FOXP1: variants seen among roughly 807,000 people sequenced by gnomAD.
The protein encoded by FOXP1 is forkhead box P1.
Under a neutral mutation model 98.2 loss-of-function variants are expected in FOXP1, and 15 were observed. That is an observed-to-expected ratio of 0.15 (90% CI 0.10 to 0.24). The LOEUF is 0.24. Among genes scored for constraint, FOXP1 ranks in the 10% least tolerant of loss-of-function variants. The probability of loss-of-function intolerance (pLI) is 1.00; values close to 1 mark genes in which losing one functional copy is unlikely to be tolerated. For synonymous variants in FOXP1, 371 were observed against 314.5 expected (o/e 1.18, Z -1.90); for missense variants, 633 against 848.5 (o/e 0.75, Z 3.15).
At chr3:71,112,118 G>A (rs982479481) in intron 7 of FOXP1, among the ~76,000 whole-genome samples, 4 of 144,268 alleles carry the variant, frequency 2.8e-5, no homozygotes, top group Non-Finnish European at 3.1e-5. Flanking sequence ...GGTGGTGGGT[G>A]GGGGGGTGGG....
chr3:71,182,918 T>C (rs889006577), intron 6 of FOXP1, among the ~76,000 whole-genome samples: 1 of 152,002 alleles, frequency 6.6e-6, no homozygotes, highest in African/African-American at 2.4e-5. Context: ...ATGTTGCTTT[T>C]AGGTTTTTCC....
chr3:71,463,845 A>G (rs1255489802), intron 3 of FOXP1, among the ~76,000 whole-genome samples: 1 of 152,146 alleles, frequency 6.6e-6, no homozygotes, highest in Non-Finnish European at 1.5e-5. Flanking sequence ...ATTTTGTAAT[A>G]ACGGAAGTAT....
At chr3:70,978,967 G>A (rs767406372) in intron 14 of FOXP1, among the ~76,000 whole-genome samples, 1 of 152,086 alleles carries the variant, frequency 6.6e-6, no homozygotes, top group Admixed American at 6.5e-5. Context: ...CTTATTTGAA[G>A]TAGAAGAGAA....
At chr3:71,096,336 C>T (rs1259589719) in intron 7 of FOXP1, among the ~76,000 whole-genome samples, 1 of 152,058 alleles carries the variant, frequency 6.6e-6, no homozygotes, top group Non-Finnish European at 1.5e-5. Flanking sequence ...TGCTTGGGCC[C>T]CATCCTAAGA....
intron 6 of FOXP1, among the ~76,000 whole-genome samples, chr3:71,166,739 T>G (rs1313687476): frequency 6.6e-6 from 1 of 152,174 alleles, no homozygotes; most frequent in Non-Finnish European, 1.5e-5. Context: ...CCAGAAAGCA[T>G]TCTAAACACA....
At position 71,281,521 on chromosome 3, in the gene FOXP1, G is replaced by A. The variant is rs577608439; in HGVS notation, c.-12+18299C>T. Among the ~76,000 whole-genome samples the A allele has an allele frequency of 4.6e-5, 7 of 152,288 alleles. No individual in the cohort carries two copies. The South Asian group carries it at 1.5e-3, about 32-fold the overall frequency. ...ACACACATCCTCCCATCTAGCCTAG[G>A]ACATGGTGAATACCTGACCGACATG... On this transcript the variant is annotated intron_variant, in intron 5 of 20. Transcript: ENST00000649528.
In FOXP1 at chr3:71,539,212, C is replaced by T. The variant is rs558734626; in HGVS notation, c.-298+42337G>A. 1.3e-4 allele frequency among the ~76,000 whole-genome samples: 19 copies of T among 149,566 alleles called. No individual in the cohort carries two copies. The East Asian group carries it at 2.9e-3, about 23-fold the overall frequency. ...CTGCAAGCTCCGCCTCCCGGGTTCACGCCATTCTCCTGCCTCAGCCTCCCT... is the reference window on the plus strand; with the variant it reads ...CTGCAAGCTCCGCCTCCCGGGTTCATGCCATTCTCCTGCCTCAGCCTCCCT... On this transcript the variant is annotated intron_variant, in intron 2 of 20. Coordinates refer to ENST00000649528, the MANE Select transcript of FOXP1 (RefSeq NM_001349338.3).
Position 70,956,732 on chromosome 3 carries a change from G to GTGTTTTTTTTT in FOXP1, c.*2514_*2515insAAAAAAAAACA. The GTGTTTTTTTTT allele has an allele frequency of 3.2e-5, 1 of 31,732 alleles. No individual in the cohort carries two copies. Among genetic ancestry groups the GTGTTTTTTTTT allele is most frequent in the Non-Finnish European group, 6.3e-5 (1 of 15,990 alleles). 2.0% of individuals were successfully genotyped at this position (31,732 alleles called of 1,614,324 possible). On this transcript the variant is annotated 3_prime_UTR_variant, in exon 21 of 21. Coordinates refer to ENST00000649528, the MANE Select transcript of FOXP1 (RefSeq NM_001349338.3). The stretch of plus-strand genomic sequence containing the variant: ...GCACATCATGAAGCTGCCTGGAAAA[G>GTGTTTTTTTTT]TTTTTTTTTTTTTTTTTTTTTTTTT...
At chr3:71,126,340 T>G (rs1575872141) in intron 6 of FOXP1, among the ~76,000 whole-genome samples, 1 of 103,650 alleles carries the variant, frequency 9.6e-6, no homozygotes. Flanking sequence ...AAAAAAAAAA[T>G]TAGCCAGGCG....
At chr3:71,309,707 A>G (rs1312910993) in intron 4 of FOXP1, among the ~76,000 whole-genome samples, 3 of 152,168 alleles carry the variant, frequency 2.0e-5, no homozygotes, top group Non-Finnish European at 4.4e-5. Context: ...TTTGACACAC[A>G]AACTAGCATC....
chr3:71,161,163 C>T (rs763778469), intron 6 of FOXP1, among the ~76,000 whole-genome samples: 7 of 152,138 alleles, frequency 4.6e-5, no homozygotes, highest in South Asian at 2.1e-4. Context: ...CCAAGGTTCC[C>T]GCTTCAGTTC....
intron 2 of FOXP1, among the ~76,000 whole-genome samples, chr3:71,537,123 G>A (rs530454638): frequency 1.8e-4 from 27 of 152,238 alleles, no homozygotes; most frequent in Admixed American, 2.0e-4. Context: ...CCTAACCAAG[G>A]CCTGGGTACT....
At chr3:71,424,161 C>A in intron 3 of FOXP1, among the ~76,000 whole-genome samples, 1 of 152,146 alleles carries the variant, frequency 6.6e-6, no homozygotes, top group East Asian at 1.9e-4. Flanking sequence ...CAAAGAACTG[C>A]GCTGAAGGAT....
At chr3:71,031,752 CAAAA>C (rs1002512569) in intron 11 of FOXP1, among the ~76,000 whole-genome samples, 5 of 151,534 alleles carry the variant, frequency 3.3e-5, no homozygotes, top group African/African-American at 7.3e-5. Flanking sequence ...AAACAAAAAA[CAAAA>C]AAAGAGGTGG....
chr3:71,248,612 G>A lies in FOXP1; in HGVS notation c.-11-50220C>T, dbSNP rs372617355. Among the ~76,000 whole-genome samples the A allele has an allele frequency of 8.5e-5, 13 of 152,070 alleles. 1 individual carries two copies. The East Asian group carries it at 2.5e-3, about 29-fold the overall frequency. On this transcript the variant is annotated intron_variant, in intron 5 of 20. Transcript: ENST00000649528. ...AAAAATTAGCCAGGCATAGTGGCGC[G>A]CACATGTAATCCCAGCTACTCGGGT... is the stretch of plus-strand genomic sequence containing the variant.
chr3:71,140,416 G>A (rs1057463686), intron 6 of FOXP1, among the ~76,000 whole-genome samples: 1 of 152,186 alleles, frequency 6.6e-6, no homozygotes, highest in African/African-American at 2.4e-5. Flanking sequence ...CTCAGATTTT[G>A]AAGTACTTCT....
intron 13 of FOXP1, among the ~76,000 whole-genome samples, chr3:70,993,094 A>G (rs1174734960): frequency 1.3e-5 from 2 of 152,244 alleles, no homozygotes; most frequent in Admixed American, 1.3e-4. Context: ...AAATAGCACC[A>G]CTAATGGTAC....
At chr3:71,512,712 A>T (rs932110451) in intron 2 of FOXP1, among the ~76,000 whole-genome samples, 1 of 152,174 alleles carries the variant, frequency 6.6e-6, no homozygotes, top group African/African-American at 2.4e-5. Context: ...GTAGAAAGAG[A>T]ACAGAAAGGG....
At chr3:70,966,963 AT>A (rs1433390201) in intron 19 of FOXP1, among the ~76,000 whole-genome samples, 1 of 152,186 alleles carries the variant, frequency 6.6e-6, no homozygotes, top group Non-Finnish European at 1.5e-5. Flanking sequence ...GTACCCAAAA[AT>A]TTGTTTCATC....
Sources: allele counts gnomAD v4.1 joint callset (sites outside exome capture counted in the v4.1 genomes callset), GRCh38; gene constraint gnomAD v4.1.1; transcripts MANE v1.5; gene names NCBI Gene and HGNC (gene_info 2026-07-23, HGNC 2026-07-21).